RTTN: variants seen among roughly 807,000 people sequenced by gnomAD.
RTTN encodes rotatin.
RTTN carries 182 observed loss-of-function variants against 269.2 expected under a neutral mutation model. The ratio of observed to expected loss-of-function variants is 0.68; its 90% CI spans 0.60 to 0.76. RTTN has a LOEUF of 0.76. RTTN is among the 30% of genes least tolerant of loss of function. The pLI is 0.00. For synonymous variants in RTTN, 1,006 were observed against 963.5 expected (o/e 1.04, Z -0.82); for missense variants, 2,545 against 2,608.6 (o/e 0.98, Z 0.53).
intron 28 of RTTN, among the ~76,000 whole-genome samples, chr18:70,107,751 A>C (rs1469082944): frequency 6.6e-6 from 1 of 152,252 alleles, no homozygotes; most frequent in African/African-American, 2.4e-5. Context: ...GGTTCATTCT[A>C]TTAGAAAGAT....
intron 32 of RTTN, among the ~76,000 whole-genome samples, chr18:70,080,928 TCACACACACACACACACACACACA>T (rs138851066): frequency 6.8e-6 from 1 of 146,798 alleles, no homozygotes; most frequent in Admixed American, 6.8e-5. Flanking sequence ...GTGTGTGGTA[TCACACACACACACACACACACACA>T]CACACACACA....
chr18:70,050,336 G>C (rs1449201792), intron 39 of RTTN, among the ~76,000 whole-genome samples: 1 of 152,118 alleles, frequency 6.6e-6, no homozygotes, highest in African/African-American at 2.4e-5. Context: ...CATCATCACT[G>C]GTCATTAGAG....
intron 44 of RTTN, among the ~76,000 whole-genome samples, chr18:70,024,087 C>G (rs992539051): frequency 6.6e-6 from 1 of 152,144 alleles, no homozygotes; most frequent in African/African-American, 2.4e-5. Context: ...CCAGCCTAAT[C>G]CTTCTTAAAC....
rs1369170284 is a variant in RTTN at position 70,004,254 on chromosome 18, G to T, written c.6596-18C>A. On this transcript the variant is annotated intron_variant, in intron 48 of 48. Transcript: ENST00000640769. ...TGGGAAAGCTGAGATAGAAAAATAA[G>T]AGTACAGAAATACTAGTTTATGAAA... 1 of 1,577,042 alleles carries T rather than the reference G, an allele frequency of 6.3e-7. No individual in the cohort carries two copies. The highest frequency in any genetic ancestry group is 1.7e-5 in the Admixed American group (1 of 59,930).
intron 9 of RTTN, among the ~76,000 whole-genome samples, chr18:70,188,854 G>A (rs568028266): frequency 4.9e-5 from 4 of 80,870 alleles, no homozygotes; most frequent in Admixed American, 3.3e-4. Context: ...ACATTCACAC[G>A]AGACTTTCCC....
chr18:70,153,144 G>C (rs2060583028), intron 14 of RTTN, among the ~76,000 whole-genome samples: 1 of 151,982 alleles, frequency 6.6e-6, no homozygotes, highest in Non-Finnish European at 1.5e-5. Context: ...CACGTTACTA[G>C]TCATTCTCTA....
intron 43 of RTTN, among the ~76,000 whole-genome samples, chr18:70,025,876 G>T (rs1480705271): frequency 2.0e-5 from 3 of 152,178 alleles, no homozygotes; most frequent in Admixed American, 1.3e-4. Flanking sequence ...CTGAAACACA[G>T]CTCTTCCTGC....
intron 28 of RTTN, among the ~76,000 whole-genome samples, chr18:70,107,042 T>C (rs2059338724): frequency 1.3e-5 from 2 of 152,170 alleles, no homozygotes; most frequent in East Asian, 1.9e-4. Context: ...AAAGCAAGAA[T>C]AGACAAAGGT....
intron 40 of RTTN, among the ~76,000 whole-genome samples, chr18:70,038,283 G>C (rs937433689): frequency 6.6e-6 from 1 of 152,128 alleles, no homozygotes; most frequent in Non-Finnish European, 1.5e-5. Context: ...AGCAGGTAGC[G>C]ACTGCAGTGG....
chr18:70,118,030 G>T (rs1332755635), intron 26 of RTTN, among the ~76,000 whole-genome samples: 1 of 151,722 alleles, frequency 6.6e-6, no homozygotes, highest in Non-Finnish European at 1.5e-5. Context: ...ATGTCAAAAA[G>T]AAAGATATCA....
At chr18:70,115,985 T>C (rs964888607) in intron 26 of RTTN, among the ~76,000 whole-genome samples, 1 of 152,018 alleles carries the variant, frequency 6.6e-6, no homozygotes, top group Non-Finnish European at 1.5e-5. Context: ...ATAGTTTTTT[T>C]CCCAACTTTT....
chr18:70,078,676 G>C (rs1035501441), intron 32 of RTTN, among the ~76,000 whole-genome samples: 1 of 151,972 alleles, frequency 6.6e-6, no homozygotes, highest in Non-Finnish European at 1.5e-5. Flanking sequence ...AGATAAGAAA[G>C]TGTAATCACA....
rs1307170374 is a variant in RTTN, at chr18:70,204,239, C to T, written c.244G>A (p.Val82Ile). The T allele has an allele frequency of 1.2e-6, 2 of 1,612,008 alleles. No homozygotes were observed. The highest frequency in any genetic ancestry group is 2.7e-5 in the African/African-American group (2 of 74,812). ...AAGAACTCTACTGCACCAACGTCAA[C>T]CAAATGTTGGACTGCTGGGGGATAC... ...VKYPPAVQHLVDVGAVEFLSK... is the reference protein window; with the variant it reads ...VKYPPAVQHLIDVGAVEFLSK... Residue 82 changes from valine (V) to isoleucine (I), a missense_variant, in exon 3 of 49, where the codon GTT (valine) becomes ATT (isoleucine). By Grantham distance (29) the Val-to-Ile change is conservative. Coordinates refer to ENST00000640769, the MANE Select transcript of RTTN (RefSeq NM_173630.4).
chr18:70,197,798 G>T, intron 5 of RTTN, 60 bp from the exon 6 acceptor site: 1 of 1,047,976 alleles, frequency 9.5e-7, no homozygotes, highest in Non-Finnish European at 1.5e-6. Flanking sequence ...ATTCTAAGTA[G>T]CCTACTGACA....
At chr18:70,140,352 G>T (rs1360735794) in intron 19 of RTTN, among the ~76,000 whole-genome samples, 164 bp from the exon 20 acceptor site, 1 of 151,950 alleles carries the variant, frequency 6.6e-6, no homozygotes, top group Non-Finnish European at 1.5e-5. Flanking sequence ...TTTACTTTAC[G>T]TACACCTGTC....
intron 10 of RTTN, among the ~76,000 whole-genome samples, chr18:70,184,844 G>C (rs533979931): frequency 5.5e-5 from 8 of 146,068 alleles, no homozygotes; most frequent in Non-Finnish European, 3.0e-5. Context: ...ACAGTGATCC[G>C]AGATGGCGCC....
intron 25 of RTTN, among the ~76,000 whole-genome samples, chr18:70,122,872 G>C (rs2059773318): frequency 6.6e-6 from 1 of 152,016 alleles, no homozygotes; most frequent in Non-Finnish European, 1.5e-5. Flanking sequence ...ATTATAAGAA[G>C]TCTTCTATGA....
In RTTN at chr18:70,154,171, T is replaced by C. The variant is rs534959482; in HGVS notation, c.1930-3438A>G. On this transcript the variant is annotated intron_variant, in intron 14 of 48. Coordinates refer to ENST00000640769, the MANE Select transcript of RTTN (RefSeq NM_173630.4). ...TTACTAAAATTCAGTGCATTTTTTT[T>C]AAAAACAAATTCGAAACTGACACAT... is the stretch of plus-strand genomic sequence containing the variant. 6.0e-4 allele frequency among the ~76,000 whole-genome samples: 91 copies of C among 152,128 alleles called. 1 individual carries two copies. Among genetic ancestry groups the C allele is most frequent in the African/African-American group, 2.1e-3 (89 of 41,532 alleles).
At position 70,149,966 on chromosome 18, in the gene RTTN, A is replaced by C; in HGVS notation, c.2172+5T>G. ...GTATCATAAAAAGTGAATTTCACAG[A>C]ATACCTGTAGTATTGGGATGACAGG... On this transcript the variant is annotated splice_donor_5th_base_variant and intron_variant, in intron 16 of 48. Transcript: ENST00000640769. The C allele has an allele frequency of 6.4e-7, 1 of 1,571,088 alleles. No individual in the cohort carries two copies. The highest frequency in any genetic ancestry group is 8.8e-7 in the Non-Finnish European group (1 of 1,141,338).
Sources: gnomAD v4.1 joint callset for allele counts (sites outside exome capture counted in the v4.1 genomes callset) on GRCh38, gnomAD v4.1.1 for gene constraint, MANE v1.5 for transcripts, NCBI Gene and HGNC (gene_info 2026-07-23, HGNC 2026-07-21) for gene names.